Variants in FAM184A observed in about 807,000 individuals in gnomAD.
FAM184A encodes family with sequence similarity 184 member A.
FAM184A carries 99 observed loss-of-function variants against 143.8 expected under a neutral mutation model. That is an observed-to-expected ratio of 0.69 (90% CI 0.58 to 0.81). The LOEUF (loss-of-function observed/expected upper bound fraction) is 0.81. FAM184A is among the 40% of genes least tolerant of loss of function. The pLI, the probability that FAM184A is intolerant of heterozygous loss-of-function variation, is 0.00. For synonymous variants in FAM184A, 427 were observed against 446.4 expected, an observed-to-expected ratio of 0.96 and a Z score of 0.55; for missense variants, 1,217 against 1,310.5, an observed-to-expected ratio of 0.93 and a Z score of 1.10.
intron 1 of FAM184A, among the ~76,000 whole-genome samples, chr6:119,087,292 G>A (rs1026674991): frequency 5.3e-5 from 8 of 152,152 alleles, no homozygotes; most frequent in African/African-American, 1.9e-4. Context: ...TAACAAGAGA[G>A]TGAAAAGGTA....
intron 9 of FAM184A, among the ~76,000 whole-genome samples, chr6:118,986,125 C>G (rs1490320165): frequency 6.6e-6 from 1 of 152,034 alleles, no homozygotes; most frequent in Non-Finnish European, 1.5e-5. Flanking sequence ...AACCCCGTCT[C>G]TACTAAATAT....
rs1288642578 is a variant in FAM184A at position 119,078,483 on chromosome 6, C to T, written c.-184G>A. The T allele has an allele frequency of 8.4e-6, 4 of 476,234 alleles. No individual in the cohort carries two copies. Among genetic ancestry groups the T allele is most frequent in the African/African-American group, 6.1e-5 (3 of 49,482 alleles). 29.5% of individuals were successfully genotyped at this position (476,234 alleles called of 1,614,324 possible). Reference sequence around the variant, plus strand: ...CGGGTCACCCCTGGAAGGGACGGGGCGGTCCCGCCGGCCCGAAGCCGCGGG... The same window carrying T: ...CGGGTCACCCCTGGAAGGGACGGGGTGGTCCCGCCGGCCCGAAGCCGCGGG... On this transcript the variant is annotated 5_prime_UTR_variant, in exon 1 of 18. Transcript: ENST00000338891. The surrounding 1 kb of genome is among the most constrained non-coding windows in gnomAD (Gnocchi z 5.5).
At chr6:119,069,674 C>T (rs1016931477) in intron 1 of FAM184A, among the ~76,000 whole-genome samples, 1 of 152,124 alleles carries the variant, frequency 6.6e-6, no homozygotes, top group Non-Finnish European at 1.5e-5. Context: ...GTCCAATTTC[C>T]TATATATGCA....
At chr6:119,053,526 C>G (rs1562129703) in intron 1 of FAM184A, among the ~76,000 whole-genome samples, 1 of 152,186 alleles carries the variant, frequency 6.6e-6, no homozygotes, top group African/African-American at 2.4e-5. Flanking sequence ...TGCTTAACCA[C>G]TTTTCTGCCC....
chr6:118,987,032 A>G (rs2051054), intron 9 of FAM184A, among the ~76,000 whole-genome samples: 1 of 152,168 alleles, frequency 6.6e-6, no homozygotes, highest in Non-Finnish European at 1.5e-5. Flanking sequence ...ACTAGGTAAA[A>G]TTTTTATTTT....
At chr6:119,111,849 G>A (rs1788942803) in intron 1 of FAM184A, among the ~76,000 whole-genome samples, 1 of 152,166 alleles carries the variant, frequency 6.6e-6, no homozygotes. Flanking sequence ...CTGGCATATA[G>A]ACTGAATATT....
intron 6 of FAM184A, among the ~76,000 whole-genome samples, chr6:119,008,221 C>G (rs578188604): frequency 1.3e-5 from 2 of 152,290 alleles, no homozygotes; most frequent in African/African-American, 4.8e-5. Flanking sequence ...CCTTCTCTAT[C>G]GGTCCATGTG....
intron 1 of FAM184A, among the ~76,000 whole-genome samples, chr6:119,127,223 CCTTAT>C (rs1159362618): frequency 1.3e-5 from 2 of 152,226 alleles, no homozygotes; most frequent in African/African-American, 4.8e-5. Context: ...TCCCTATCAC[CCTTAT>C]CTTAAGGTCA....
chr6:119,093,911 C>T (rs1788436340), intron 1 of FAM184A, among the ~76,000 whole-genome samples: 1 of 152,116 alleles, frequency 6.6e-6, no homozygotes, highest in Non-Finnish European at 1.5e-5. Flanking sequence ...TGCCATTCTG[C>T]CACCCCTAAG....
chr6:118,966,664 A>C (rs1233055720), intron 15 of FAM184A, among the ~76,000 whole-genome samples, 171 bp downstream of exon 15: 1 of 152,220 alleles, frequency 6.6e-6, no homozygotes, highest in African/African-American at 2.4e-5. Flanking sequence ...TGCCAAATTT[A>C]AATTTTAAAA....
intron 6 of FAM184A, among the ~76,000 whole-genome samples, chr6:119,009,208 ATAT>A (rs1187846273): frequency 6.6e-6 from 1 of 152,198 alleles, no homozygotes; most frequent in Non-Finnish European, 1.5e-5. Context: ...CACTAAATAA[ATAT>A]TATTATAGTT....
intron 1 of FAM184A, among the ~76,000 whole-genome samples, chr6:119,044,652 T>G (rs1321961116): frequency 6.6e-6 from 1 of 151,782 alleles, no homozygotes; most frequent in Non-Finnish European, 1.5e-5. Context: ...ATGAACACTT[T>G]GAAAAAAAAA....
chr6:119,005,664 G>A (rs1784895267), intron 7 of FAM184A: 2 of 160,582 alleles, frequency 1.2e-5, no homozygotes, highest in South Asian at 1.9e-4. Flanking sequence ...ACACTATGTG[G>A]TGGATTCAGA....
At chr6:118,997,843 C>A (rs192930325) in intron 9 of FAM184A, among the ~76,000 whole-genome samples, 3 of 152,088 alleles carry the variant, frequency 2.0e-5, no homozygotes, top group Non-Finnish European at 4.4e-5. Flanking sequence ...TAAAGTTTTT[C>A]AGTAACCATA....
At chr6:118,970,592 G>T (rs1468639990) in intron 14 of FAM184A, among the ~76,000 whole-genome samples, 1 of 152,030 alleles carries the variant, frequency 6.6e-6, no homozygotes, top group African/African-American at 2.4e-5. Context: ...AGCCAGAAAT[G>T]ACCCAATTCC....
chr6:119,135,711 C>G (rs1292843072), intron 1 of FAM184A, among the ~76,000 whole-genome samples: 1 of 152,096 alleles, frequency 6.6e-6, no homozygotes, highest in East Asian at 1.9e-4. Context: ...GTAATTTGTT[C>G]TCAGAATTCC....
At chr6:119,121,742 G>A (rs1411027726) in intron 1 of FAM184A, among the ~76,000 whole-genome samples, 1 of 152,124 alleles carries the variant, frequency 6.6e-6, no homozygotes, top group Non-Finnish European at 1.5e-5. Flanking sequence ...AGTTTAGGAG[G>A]CTAAGTGGTT....
chr6:119,067,000 AC>A (rs1288174064), intron 1 of FAM184A, among the ~76,000 whole-genome samples: 1 of 152,230 alleles, frequency 6.6e-6, no homozygotes, highest in Non-Finnish European at 1.5e-5. Flanking sequence ...GCAAATGATG[AC>A]TATGAAAGAT....
chr6:119,118,898 A>G (rs868743532), intron 1 of FAM184A, among the ~76,000 whole-genome samples: 38 of 152,222 alleles, frequency 2.5e-4, no homozygotes, highest in Admixed American at 4.6e-4. Flanking sequence ...GAACAGAGCC[A>G]TATTTCTCTT....
Sources: gnomAD v4.1 joint callset for allele counts (sites outside exome capture counted in the v4.1 genomes callset) on GRCh38, gnomAD v4.1.1 for gene constraint, Gnocchi (gnomAD v3.1) non-coding constraint, MANE v1.5 for transcripts, NCBI Gene and HGNC (gene_info 2026-07-23, HGNC 2026-07-21) for gene names.